DLC1: variants seen among roughly 807,000 people sequenced by gnomAD.
DLC1 encodes DLC1 Rho GTPase activating protein.
In DLC1, 54 loss-of-function variants were observed where a neutral mutation model predicts 140.3. That is an observed-to-expected ratio of 0.38 (90% CI 0.31 to 0.48). The LOEUF (loss-of-function observed/expected upper bound fraction) is 0.48, where lower values mean the gene tolerates loss of function less well. Ranked by LOEUF, DLC1 falls within the 20% of genes least tolerant of loss-of-function variation. The probability of loss-of-function intolerance (pLI) is 0.96; values close to 1 mark genes in which losing one functional copy is unlikely to be tolerated. For missense variants in DLC1, 2,536 were observed against 1,907.0 expected (o/e 1.33, Z -6.14); for synonymous variants, 986 against 728.1 (o/e 1.35, Z -5.70).
chr8:13,539,597 G>A (rs1449044910), intron 1 of DLC1, among the ~76,000 whole-genome samples: 1 of 152,160 alleles, frequency 6.6e-6, no homozygotes, highest in East Asian at 1.9e-4. Flanking sequence ...TACCCCTTGA[G>A]GCCAGGAGCT....
intron 1 of DLC1, among the ~76,000 whole-genome samples, chr8:13,600,069 C>T (rs1039905133): frequency 6.6e-6 from 1 of 151,812 alleles, no homozygotes; most frequent in Non-Finnish European, 1.5e-5. Context: ...CTGAAGAACC[C>T]TAAACTGTGT....
intron 2 of DLC1, among the ~76,000 whole-genome samples, chr8:13,432,780 C>T (rs1563341902): frequency 6.6e-6 from 1 of 152,042 alleles, no homozygotes; most frequent in Non-Finnish European, 1.5e-5. Flanking sequence ...GACAGAGTCA[C>T]ATGAAGTCTA....
chr8:13,342,155 A>C (rs1834089949), intron 4 of DLC1: 1 of 152,242 alleles, frequency 6.6e-6, no homozygotes, highest in South Asian at 2.1e-4. Flanking sequence ...TTAAAGTTCT[A>C]CATTTTCCTC....
chr8:13,201,114 C>T (rs894955059), intron 5 of DLC1, among the ~76,000 whole-genome samples: 1 of 149,482 alleles, frequency 6.7e-6, no homozygotes, highest in Non-Finnish European at 1.5e-5. Flanking sequence ...AACAAATTGG[C>T]AATTGAGAAA....
chr8:13,122,203 T>C (rs572483069), intron 5 of DLC1, among the ~76,000 whole-genome samples: 1 of 152,288 alleles, frequency 6.6e-6, no homozygotes, highest in African/African-American at 2.4e-5. Flanking sequence ...TTCCACCGCC[T>C]TTCAAATACA....
At chr8:13,592,271 T>C (rs568835728) in intron 1 of DLC1, among the ~76,000 whole-genome samples, 2 of 152,228 alleles carry the variant, frequency 1.3e-5, no homozygotes, top group Admixed American at 6.5e-5. Context: ...TAGTGAGATA[T>C]TGGATTTTTT....
intron 4 of DLC1, among the ~76,000 whole-genome samples, chr8:13,344,542 A>G (rs988454492): frequency 2.6e-5 from 4 of 152,228 alleles, no homozygotes; most frequent in Non-Finnish European, 5.9e-5. Context: ...GGAAAGTTCT[A>G]CTAAATAAGT....
intron 2 of DLC1, among the ~76,000 whole-genome samples, chr8:13,425,886 T>C (rs937267339): frequency 2.0e-5 from 3 of 152,176 alleles, no homozygotes; most frequent in African/African-American, 4.8e-5. Context: ...GCTCAAGTGA[T>C]TGTCCTCTAT....
chr8:13,157,103 A>T (rs4831888), intron 5 of DLC1, among the ~76,000 whole-genome samples: 1 of 152,164 alleles, frequency 6.6e-6, no homozygotes, highest in African/African-American at 2.4e-5. Flanking sequence ...CTGACCCTGC[A>T]AACTTAATTA....
chr8:13,339,803 CAA>C (rs1336372375), intron 4 of DLC1: 1 of 152,190 alleles, frequency 6.6e-6, no homozygotes, highest in Non-Finnish European at 1.5e-5. Flanking sequence ...AGATAGTTTA[CAA>C]AGTTTTTCAC....
chr8:13,504,654 C>G (rs974287907), intron 1 of DLC1, among the ~76,000 whole-genome samples: 2 of 152,084 alleles, frequency 1.3e-5, no homozygotes, highest in East Asian at 1.9e-4. Context: ...ATATTAGGAG[C>G]TGGGAATCAA....
At chr8:13,518,722 T>C (rs1385088313), upstream of DLC1, among the ~76,000 whole-genome samples, 1 of 152,212 alleles carries the variant, frequency 6.6e-6, no homozygotes. Flanking sequence ...ATAATAGCAA[T>C]GAACTTGAAA....
chr8:13,436,049 AAGAC>A (rs2116896005), intron 2 of DLC1, among the ~76,000 whole-genome samples: 2 of 152,340 alleles, frequency 1.3e-5, no homozygotes, highest in African/African-American at 4.8e-5. Flanking sequence ...CACTTTTTAA[AAGAC>A]AGAATGCTGT....
At chr8:13,538,823 A>G (rs1165374885) in intron 1 of DLC1, among the ~76,000 whole-genome samples, 2 of 152,198 alleles carry the variant, frequency 1.3e-5, no homozygotes, top group African/African-American at 4.8e-5. Context: ...TATGTGAGCA[A>G]AATATTGCTT....
chr8:13,280,592 A>G (rs1586063693), intron 5 of DLC1, among the ~76,000 whole-genome samples: 1 of 152,200 alleles, frequency 6.6e-6, no homozygotes, highest in Admixed American at 6.5e-5. Context: ...ATCTTACTGC[A>G]AACAAAATTT....
chr8:13,320,804 C>T (rs1156652556), intron 4 of DLC1, among the ~76,000 whole-genome samples: 1 of 152,114 alleles, frequency 6.6e-6, no homozygotes, highest in East Asian at 1.9e-4. Flanking sequence ...TGCTTGAGGC[C>T]AAGAGTTCTA....
At chr8:13,328,417 A>T (rs1618996) in intron 4 of DLC1, among the ~76,000 whole-genome samples, 1 of 152,082 alleles carries the variant, frequency 6.6e-6, no homozygotes, top group African/African-American at 2.4e-5. Context: ...AGAAGACGTC[A>T]CAGTCGAAGA....
chr8:13,236,019 T>G (rs777779982), intron 5 of DLC1, among the ~76,000 whole-genome samples: 1 of 151,974 alleles, frequency 6.6e-6, no homozygotes, highest in Non-Finnish European at 1.5e-5. Flanking sequence ...ATTAACCAAA[T>G]TTTCTGAAGT....
chr8:13,429,848 T>G (rs966356332), intron 2 of DLC1, among the ~76,000 whole-genome samples: 1 of 152,214 alleles, frequency 6.6e-6, no homozygotes, highest in African/African-American at 2.4e-5. Context: ...TAATAATGCA[T>G]ACTTTAATGT....
Sources: allele counts gnomAD v4.1 joint callset (sites outside exome capture counted in the v4.1 genomes callset), GRCh38; gene constraint gnomAD v4.1.1; transcripts MANE v1.5; gene names NCBI Gene and HGNC (gene_info 2026-07-23, HGNC 2026-07-21).